The following ZNF280D variants were observed in gnomAD, a reference collection of about 807,000 sequenced individuals.
The protein encoded by ZNF280D is suppressor of hairy wing homolog 4.
A neutral mutation model predicts 94.7 loss-of-function variants in ZNF280D; 39 were observed. The observed-to-expected ratio is 0.41, with a 90% CI of 0.32 to 0.54. The LOEUF is 0.54. Among genes scored for constraint, ZNF280D ranks in the 20% least tolerant of loss-of-function variants. ZNF280D has a pLI of 0.22. For synonymous variants in ZNF280D, 398 were observed against 377.6 expected, an observed-to-expected ratio of 1.05 and a Z score of -0.63; for missense variants, 1,090 against 1,149.3, an observed-to-expected ratio of 0.95 and a Z score of 0.75.
intron 1 of ZNF280D, among the ~76,000 whole-genome samples, chr15:56,722,206 CATTAA>C (rs765624440): frequency 1.7e-4 from 26 of 152,218 alleles, no homozygotes; most frequent in Non-Finnish European, 3.1e-4. Flanking sequence ...ACAATAGTAA[CATTAA>C]AGATCACTGA....
intron 1 of ZNF280D, among the ~76,000 whole-genome samples, chr15:56,715,915 T>TA (rs1187000070): frequency 6.6e-6 from 1 of 152,016 alleles, no homozygotes; most frequent in Non-Finnish European, 1.5e-5. Context: ...AAAAGAATGA[T>TA]AAAAAATGCA....
intron 6 of ZNF280D, chr15:56,699,393 A>T: frequency 2.2e-6 from 2 of 903,906 alleles, no homozygotes; most frequent in Non-Finnish European, 2.6e-6. Flanking sequence ...TTCCTAAAAT[A>T]TAAATAAAAA....
intron 21 of ZNF280D, among the ~76,000 whole-genome samples, chr15:56,633,005 T>C (rs185401158): frequency 1.6e-3 from 244 of 152,300 alleles, no homozygotes; most frequent in Non-Finnish European, 2.7e-3. Flanking sequence ...GTGTTTCTTC[T>C]GGCCCTGAAG....
At chr15:56,717,506 T>A (rs1279824018) in intron 1 of ZNF280D, among the ~76,000 whole-genome samples, 1 of 152,092 alleles carries the variant, frequency 6.6e-6, no homozygotes, top group Non-Finnish European at 1.5e-5. Flanking sequence ...GAATTGCTAG[T>A]ATTGAGCTTT....
intron 10 of ZNF280D, among the ~76,000 whole-genome samples, chr15:56,679,453 C>T (rs2055470901): frequency 6.6e-6 from 1 of 152,204 alleles, no homozygotes; most frequent in Non-Finnish European, 1.5e-5. Context: ...ACTGTTAGCA[C>T]AGACTGTTCA....
chr15:56,703,685 C>G (rs1230430433), intron 4 of ZNF280D, among the ~76,000 whole-genome samples: 1 of 151,888 alleles, frequency 6.6e-6, no homozygotes, highest in African/African-American at 2.4e-5. Flanking sequence ...GAGACCCTGT[C>G]TCTACAAAAA....
At chr15:56,727,840 A>G (rs2058702931) in intron 1 of ZNF280D, among the ~76,000 whole-genome samples, 1 of 152,192 alleles carries the variant, frequency 6.6e-6, no homozygotes, top group Non-Finnish European at 1.5e-5. Context: ...CTTTAGATAA[A>G]TTCCCTCAAA....
intron 7 of ZNF280D, among the ~76,000 whole-genome samples, chr15:56,689,879 C>G (rs1722340842): frequency 6.6e-6 from 1 of 151,922 alleles, no homozygotes; most frequent in Non-Finnish European, 1.5e-5. Flanking sequence ...CAACAATTAC[C>G]TGTTTCAAAA....
intron 14 of ZNF280D, 60 bp from the exon 15 acceptor site, chr15:56,667,046 A>C (rs746714772): frequency 9.1e-5 from 114 of 1,247,866 alleles, no homozygotes; most frequent in Non-Finnish European, 1.2e-4. Flanking sequence ...ATATTAAAAT[A>C]TCATGGTACA....
chr15:56,705,419 G>T (rs1432054078), intron 3 of ZNF280D, among the ~76,000 whole-genome samples: 2 of 152,150 alleles, frequency 1.3e-5, no homozygotes, highest in African/African-American at 4.8e-5. Context: ...CCAGTCTGGA[G>T]CAAAGAGAGC....
intron 13 of ZNF280D, 73 bp from the exon 14 acceptor site, chr15:56,669,030 G>A: frequency 1.4e-6 from 2 of 1,421,444 alleles, no homozygotes; most frequent in South Asian, 1.3e-5. Flanking sequence ...TGAAACTGCT[G>A]ACTTAATTTT....
intron 1 of ZNF280D, among the ~76,000 whole-genome samples, chr15:56,724,195 A>G (rs1406696394): frequency 6.6e-5 from 10 of 152,238 alleles, no homozygotes; most frequent in African/African-American, 2.4e-4. Context: ...AACCATCTTA[A>G]GCTGGGGACT....
intron 1 of ZNF280D, among the ~76,000 whole-genome samples, chr15:56,711,064 A>G (rs764910302): frequency 6.6e-6 from 1 of 152,210 alleles, no homozygotes; most frequent in Non-Finnish European, 1.5e-5. Context: ...TCTATTGTAT[A>G]CTTTAAACAT....
At chr15:56,632,970 C>T (rs1266438562) in intron 21 of ZNF280D, among the ~76,000 whole-genome samples, 1 of 151,498 alleles carries the variant, frequency 6.6e-6, no homozygotes, top group Non-Finnish European at 1.5e-5. Context: ...CATGTTTGTA[C>T]ACATATATAT....
At chr15:56,684,714 A>C (rs1258039970) in intron 9 of ZNF280D, among the ~76,000 whole-genome samples, 3 of 152,128 alleles carry the variant, frequency 2.0e-5, no homozygotes, top group Non-Finnish European at 4.4e-5. Flanking sequence ...AGTAGGAGAA[A>C]AGTCCATTTA....
chr15:56,632,281 T>A (rs533254966), intron 21 of ZNF280D, among the ~76,000 whole-genome samples, 159 bp from the exon 22 acceptor site: 64 of 152,124 alleles, frequency 4.2e-4, no homozygotes, highest in Non-Finnish European at 7.1e-4. Flanking sequence ...GGCAGTAAAA[T>A]TTAGGAGGAG....
chr15:56,632,496 AT>A (rs35589148), intron 21 of ZNF280D, among the ~76,000 whole-genome samples: 8,076 of 129,110 alleles, frequency 0.063, 295 homozygotes, highest in African/African-American at 0.13. Context: ...TTTTTTTATG[AT>A]TTTTTTTTTT....
chr15:56,642,680 T>G (rs184371691), intron 20 of ZNF280D, among the ~76,000 whole-genome samples: 1 of 151,822 alleles, frequency 6.6e-6, no homozygotes. Flanking sequence ...TTTTAATTCA[T>G]AAATTTATCT....
chr15:56,668,537 C>G (rs577170461), intron 14 of ZNF280D, among the ~76,000 whole-genome samples: 1 of 152,072 alleles, frequency 6.6e-6, no homozygotes, highest in Non-Finnish European at 1.5e-5. Flanking sequence ...ACACTTTCAA[C>G]TGAAAGCTCA....
Sources: allele counts gnomAD v4.1 joint callset (sites outside exome capture counted in the v4.1 genomes callset), GRCh38; gene constraint gnomAD v4.1.1; transcripts MANE v1.5; gene names NCBI Gene and HGNC (gene_info 2026-07-23, HGNC 2026-07-21).